Variants in ASMTL observed in about 807,000 individuals in gnomAD.
ASMTL encodes acetylserotonin O-methyltransferase like.
A neutral mutation model predicts 60.3 loss-of-function variants in ASMTL; 57 were observed. The ratio of observed to expected loss-of-function variants is 0.95; its 90% CI spans 0.76 to 1.18. The LOEUF (loss-of-function observed/expected upper bound fraction) is 1.18. Ranked by LOEUF, ASMTL falls within the 50% of genes most tolerant of loss-of-function variation. The pLI, the probability that ASMTL is intolerant of heterozygous loss-of-function variation, is 0.00. For synonymous variants in ASMTL, 419 were observed against 373.0 expected, an observed-to-expected ratio of 1.12 and a Z score of -1.42; for missense variants, 981 against 852.6, an observed-to-expected ratio of 1.15 and a Z score of -1.88.
At chrX:1,437,146 G>T (rs1334790061) in intron 3 of ASMTL, among the ~76,000 whole-genome samples, 4 of 148,074 alleles carry the variant, frequency 2.7e-5, no homozygotes, top group Non-Finnish European at 6.0e-5. Context: ...ACAACAGGCA[G>T]TGATTCTCCC....
chrX:1,403,726 C>T (rs1408320074), intron 12 of ASMTL: 2 of 598,272 alleles, frequency 3.3e-6, no homozygotes. Context: ...GGATGCATCA[C>T]CTGGGCCTTT....
intron 11 of ASMTL, among the ~76,000 whole-genome samples, chrX:1,415,428 C>A (rs1283481648): frequency 5.3e-5 from 8 of 151,834 alleles, no homozygotes; most frequent in African/African-American, 1.9e-4. Context: ...TTCACACAGT[C>A]GTCCACCTGT....
At chrX:1,406,815 A>G (rs777600167) in intron 12 of ASMTL, among the ~76,000 whole-genome samples, 1 of 151,276 alleles carries the variant, frequency 6.6e-6, no homozygotes, top group Non-Finnish European at 1.5e-5. Flanking sequence ...GGGTGAATAG[A>G]TAATAGATGA....
At chrX:1,446,355 C>G (rs1229651110) in intron 1 of ASMTL, among the ~76,000 whole-genome samples, 1 of 152,070 alleles carries the variant, frequency 6.6e-6, no homozygotes, top group East Asian at 1.9e-4. Flanking sequence ...CCACCAGTCT[C>G]CGCGTCTTGG....
At chrX:1,416,846 C>CACACACAGACATGT (rs2090298366) in intron 11 of ASMTL, among the ~76,000 whole-genome samples, 1 of 151,160 alleles carries the variant, frequency 6.6e-6, no homozygotes, top group Non-Finnish European at 1.5e-5. Context: ...CACAGACATG[C>CACACACAGACATGT]ACACACAGAC....
chrX:1,410,675 G>C (rs2089976808), intron 12 of ASMTL, among the ~76,000 whole-genome samples: 1 of 152,036 alleles, frequency 6.6e-6, no homozygotes, highest in African/African-American at 2.4e-5. Context: ...GCCTCCCAAA[G>C]TGCTGGGATT....
At chrX:1,404,028 GGATGGATA>G (rs1252156491) in intron 12 of ASMTL, among the ~76,000 whole-genome samples, 1 of 150,810 alleles carries the variant, frequency 6.6e-6, no homozygotes, top group African/African-American at 2.4e-5. Context: ...GCAGGTAGAC[GGATGGATA>G]GATGGATGCA....
chrX:1,441,883 AATT>A (rs1192090386), intron 2 of ASMTL: 11 of 354,216 alleles, frequency 3.1e-5, no homozygotes, highest in African/African-American at 1.9e-4. Context: ...AATTGCGAGA[AATT>A]ATTATAACAC....
chrX:1,443,181 CGCCATCGTGGACACACACT>C (rs1569534709), intron 1 of ASMTL, among the ~76,000 whole-genome samples: 1 of 151,590 alleles, frequency 6.6e-6, no homozygotes. Flanking sequence ...GGACACACAC[CGCCATCGTGGACACACACT>C]GCCATCTGGG....
At chrX:1,431,028 A>G (rs1458095150) in intron 6 of ASMTL, among the ~76,000 whole-genome samples, 1 of 135,340 alleles carries the variant, frequency 7.4e-6, no homozygotes, top group Non-Finnish European at 1.5e-5. Context: ...ATATGCAGTT[A>G]CATATATTAA....
At chrX:1,430,118 G>A (rs762332007) in intron 6 of ASMTL, among the ~76,000 whole-genome samples, 3 of 151,854 alleles carry the variant, frequency 2.0e-5, no homozygotes, top group Non-Finnish European at 4.4e-5. Context: ...GGGTTCAAGC[G>A]ATTCTCCTGT....
Position 1,406,291 on chromosome X carries a change from G to A in ASMTL, c.1646-2802C>T, listed in dbSNP as rs768349380. ...GTGCATGGATGAGATGGATGGTTGG[G>A]TGAATAGATGGTAGATGATGGGTAG... On this transcript the variant is annotated intron_variant, in intron 12 of 12. Coordinates refer to ENST00000381317, the MANE Select transcript of ASMTL (RefSeq NM_004192.4). Among the ~76,000 whole-genome samples the A allele has an allele frequency of 4.0e-5, 6 of 151,210 alleles. No individual in the cohort carries two copies. The East Asian group carries it at 1.2e-3, about 30-fold the overall frequency.
chrX:1,451,744 TAG>T (rs1307437953), intron 1 of ASMTL, among the ~76,000 whole-genome samples: 4 of 137,860 alleles, frequency 2.9e-5, no homozygotes, highest in East Asian at 2.4e-4. Flanking sequence ...CCCCCATCCC[TAG>T]GGGGGTCTCG....
rs756485060 is a variant in ASMTL at position 1,427,836 on chromosome X, C to T, written c.795G>A (p.Ala265=). Reference sequence around the variant, plus strand: ...ACTCAGCCTCTGCCGTGGCCTGTCCCGCCTCTCCCGCCTCGGCCTTCTCAT... The same window carrying T: ...ACTCAGCCTCTGCCGTGGCCTGTCCTGCCTCTCCCGCCTCGGCCTTCTCAT... ...SRDEKAEAGE[A]GQATAEAECH... The change falls in exon 7 of 13, where the codon GCG becomes GCA. Residue 265 remains alanine, a synonymous_variant. Transcript: ENST00000381317. The T allele has an allele frequency of 8.1e-6, 13 of 1,613,176 alleles. No homozygotes were observed. The highest frequency in any genetic ancestry group is 1.3e-5 in the African/African-American group (1 of 75,048).
chrX:1,446,666 A>G (rs188775772), intron 1 of ASMTL, among the ~76,000 whole-genome samples: 70 of 151,878 alleles, frequency 4.6e-4, no homozygotes, highest in African/African-American at 1.6e-3. Context: ...CGCCCGGCTA[A>G]TTTTTTGTAA....
intron 5 of ASMTL, 107 bp downstream of exon 5, chrX:1,434,915 A>G: frequency 1.7e-6 from 2 of 1,198,776 alleles, no homozygotes; most frequent in Non-Finnish European, 2.4e-6. Flanking sequence ...ACCCCTCCAC[A>G]GGTGGGGGTG....
At chrX:1,420,619 G>A (rs1379042530) in intron 9 of ASMTL, among the ~76,000 whole-genome samples, 7 of 152,252 alleles carry the variant, frequency 4.6e-5, no homozygotes, top group East Asian at 1.9e-4. Flanking sequence ...CAGGCCCCAC[G>A]GACCCCACCA....
At chrX:1,405,605 G>A (rs1341802358) in intron 12 of ASMTL, among the ~76,000 whole-genome samples, 1 of 151,296 alleles carries the variant, frequency 6.6e-6, no homozygotes, top group Non-Finnish European at 1.5e-5. Context: ...GATGGTAGAT[G>A]ATGGGTAGGT....
At chrX:1,452,532 G>T (rs1429386027) in intron 1 of ASMTL, among the ~76,000 whole-genome samples, 2 of 149,648 alleles carry the variant, frequency 1.3e-5, no homozygotes, top group African/African-American at 4.9e-5. Flanking sequence ...ATGCCTAGGG[G>T]GTTCCGGGTT....
Sources: gnomAD v4.1 joint callset for allele counts (sites outside exome capture counted in the v4.1 genomes callset) on GRCh38, gnomAD v4.1.1 for gene constraint, MANE v1.5 for transcripts, NCBI Gene and HGNC (gene_info 2026-07-23, HGNC 2026-07-21) for gene names.